Variants in GPBP1 observed in about 807,000 individuals in gnomAD.
The protein encoded by GPBP1 is GC-rich promoter binding protein 1, also known as vasculin.
GPBP1 carries 13 observed loss-of-function variants against 56.5 expected under a neutral mutation model. That is an observed-to-expected ratio of 0.23 (90% confidence interval 0.15 to 0.37). The LOEUF (loss-of-function observed/expected upper bound fraction) is 0.37. Ranked by LOEUF, GPBP1 falls within the 10% of genes least tolerant of loss-of-function variation. GPBP1 has a pLI of 1.00. For synonymous variants in GPBP1, 204 were observed against 188.9 expected (o/e 1.08, Z -0.66); for missense variants, 477 against 572.3 (o/e 0.83, Z 1.70).
chr5:57,254,709 AG>A (rs1399207827), intron 10 of GPBP1, among the ~76,000 whole-genome samples: 31 of 152,006 alleles, frequency 2.0e-4, no homozygotes, highest in African/African-American at 7.0e-4. Context: ...AAAAAAAAAA[AG>A]AGTAAGTTTT....
At position 57,250,936 on chromosome 5, in the gene GPBP1, T is replaced by TTTA. The variant is rs1741356146; in HGVS notation, c.973-18_973-17insTTA. 3 of 1,467,578 alleles carry TTTA rather than the reference T, an allele frequency of 2.0e-6. No homozygotes were observed. Among genetic ancestry groups the TTTA allele is most frequent in the Non-Finnish European group, 1.9e-6 (2 of 1,079,404 alleles). The allele number at this position is 1,467,578 out of a possible 1,614,324, so 90.9% of individuals were successfully genotyped here. ...TAGAACTCATTCTTTTTTTTTTTTT[T>TTTA]AACTCTCTAAAAATCAGGATGACGA... On this transcript the variant is annotated splice_polypyrimidine_tract_variant and intron_variant, in intron 9 of 11. Transcript: ENST00000506184.
intron 2 of GPBP1, among the ~76,000 whole-genome samples, chr5:57,208,040 C>G (rs1278677758): frequency 6.6e-6 from 1 of 152,072 alleles, no homozygotes; most frequent in African/African-American, 2.4e-5. Context: ...GGAAATGCAT[C>G]ATTTGGTCAG....
intron 3 of GPBP1, among the ~76,000 whole-genome samples, chr5:57,219,405 C>CA (rs1200185260): frequency 0.14 from 4,563 of 33,750 alleles, 300 homozygotes; most frequent in African/African-American, 0.23. Context: ...AAAAAAAAAC[C>CA]AAAAACAAAC....
At chr5:57,244,210 G>C (rs1740977062) in intron 6 of GPBP1, among the ~76,000 whole-genome samples, 2 of 152,054 alleles carry the variant, frequency 1.3e-5, no homozygotes, top group Non-Finnish European at 2.9e-5. Context: ...TGGTAGATTA[G>C]GTCCTCCTCA....
At chr5:57,229,958 G>GTCCCC (rs1756375518) in intron 3 of GPBP1, among the ~76,000 whole-genome samples, 1 of 148,670 alleles carries the variant, frequency 6.7e-6, no homozygotes, top group Admixed American at 6.7e-5. Context: ...GTCCCGTCCC[G>GTCCCC]TCCCGTCCCG....
intron 2 of GPBP1, among the ~76,000 whole-genome samples, chr5:57,190,504 A>G (rs967911737): frequency 2.0e-5 from 3 of 151,618 alleles, no homozygotes; most frequent in African/African-American, 7.3e-5. Context: ...GAACCACTTG[A>G]ACCCAGGAGG....
At position 57,240,958 on chromosome 5, in the gene GPBP1, T is replaced by TA. The variant is rs78151789; in HGVS notation, c.478+4940dup. Among the ~76,000 whole-genome samples the TA allele has an allele frequency of 4.9e-3, 708 of 144,098 alleles. 7 individuals carry two copies. Among genetic ancestry groups the TA allele is most frequent in the African/African-American group, 0.014 (553 of 38,978 alleles). 94.5% of individuals were successfully genotyped at this position (144,098 alleles called of 152,430 possible). Reference sequence around the variant, plus strand: ...CAAGAGCGAAACTCTGTCTCCCATTTAAAAAAAAAAAAAAGGCATTGTTAA... The same window carrying TA: ...CAAGAGCGAAACTCTGTCTCCCATTTAAAAAAAAAAAAAAAGGCATTGTTAA... On this transcript the variant is annotated intron_variant, in intron 6 of 11. Coordinates refer to ENST00000506184, the MANE Select transcript of GPBP1 (RefSeq NM_022913.4).
intron 2 of GPBP1, among the ~76,000 whole-genome samples, chr5:57,210,211 A>C (rs1013704785): frequency 9.2e-5 from 14 of 152,182 alleles, no homozygotes; most frequent in Admixed American, 1.3e-4. Context: ...ATTAAAAGTC[A>C]GGCATGTGCA....
rs1253313437 is a variant in GPBP1, at chr5:57,174,103, G to C, written c.-1119G>C. On this transcript the variant is annotated 5_prime_UTR_variant, in exon 1 of 12. Coordinates refer to ENST00000506184, the MANE Select transcript of GPBP1 (RefSeq NM_022913.4). The stretch of plus-strand genomic sequence containing the variant: ...CCATTTTGGGACTGAGACTGGTTGT[G>C]GGGGAGGGAAAAGCGGCAAAAGGGG... 1.3e-5 allele frequency: 2 copies of C among 153,074 alleles called. No homozygotes were observed. Among genetic ancestry groups the C allele is most frequent in the Non-Finnish European group, 2.9e-5 (2 of 68,424 alleles). The allele number at this position is 153,074 out of a possible 1,614,324, so 9.5% of individuals were successfully genotyped here. A position where few individuals can be genotyped will look rare whatever the true frequency, so the allele number is the denominator to read the frequency against.
intron 6 of GPBP1, chr5:57,237,301 T>C: frequency 1.4e-6 from 1 of 726,820 alleles, no homozygotes; most frequent in South Asian, 1.6e-5. Context: ...AATGAAAGTT[T>C]TAAAAATCAA....
At chr5:57,228,792 T>C (rs2111840181) in intron 3 of GPBP1, among the ~76,000 whole-genome samples, 1 of 149,302 alleles carries the variant, frequency 6.7e-6, no homozygotes, top group South Asian at 2.1e-4. Flanking sequence ...TCTATTGAAA[T>C]ACATGCAAGA....
At chr5:57,234,182 T>C (rs1371613551) in intron 5 of GPBP1, among the ~76,000 whole-genome samples, 1 of 152,186 alleles carries the variant, frequency 6.6e-6, no homozygotes, top group African/African-American at 2.4e-5. Flanking sequence ...GATTAAAATG[T>C]TTATATTAAA....
intron 2 of GPBP1, among the ~76,000 whole-genome samples, chr5:57,180,179 A>G (rs895398867): frequency 2.6e-5 from 4 of 152,144 alleles, no homozygotes; most frequent in African/African-American, 4.8e-5. Flanking sequence ...CAGTGGCACA[A>G]TCTCTGCTCA....
At chr5:57,201,071 TCCTCGG>T (rs1308777704) in intron 2 of GPBP1, among the ~76,000 whole-genome samples, 1 of 151,172 alleles carries the variant, frequency 6.6e-6, no homozygotes, top group Non-Finnish European at 1.5e-5. Context: ...TAATCTGCCC[TCCTCGG>T]CCTCCCAGAA....
chr5:57,206,534 G>A (rs1465092384), intron 2 of GPBP1, among the ~76,000 whole-genome samples: 3 of 152,148 alleles, frequency 2.0e-5, no homozygotes, highest in African/African-American at 7.2e-5. Context: ...AAGTAACTGG[G>A]ATTACAGGCA....
chr5:57,174,821 G>C (rs1753726092), intron 1 of GPBP1, among the ~76,000 whole-genome samples: 1 of 152,180 alleles, frequency 6.6e-6, no homozygotes, highest in South Asian at 2.1e-4. Context: ...GGAGAAACCT[G>C]TTTTCTTAAT....
intron 3 of GPBP1, among the ~76,000 whole-genome samples, chr5:57,225,031 G>GT (rs1485127321): frequency 6.6e-6 from 1 of 152,058 alleles, no homozygotes; most frequent in Non-Finnish European, 1.5e-5. Context: ...CAGATGAAAA[G>GT]TCTAGGTTCA....
chr5:57,245,738 A>G (rs1741058581), intron 6 of GPBP1: 1 of 152,238 alleles, frequency 6.6e-6, no homozygotes, highest in Non-Finnish European at 1.5e-5. Context: ...GCATTCATAT[A>G]ATGCTTTGAA....
At chr5:57,194,134 G>C (rs1450420915) in intron 2 of GPBP1, among the ~76,000 whole-genome samples, 2 of 151,872 alleles carry the variant, frequency 1.3e-5, no homozygotes, top group Non-Finnish European at 2.9e-5. Flanking sequence ...CTTTTTATTG[G>C]CTGCATGCTA....
Sources: allele counts gnomAD v4.1 joint callset (sites outside exome capture counted in the v4.1 genomes callset), GRCh38; gene constraint gnomAD v4.1.1; transcripts MANE v1.5; gene names NCBI Gene and HGNC (gene_info 2026-07-23, HGNC 2026-07-21).